The following USP24 variants were observed in gnomAD, a reference collection of about 807,000 sequenced individuals.
The protein encoded by USP24 is ubiquitin specific peptidase 24, also known as ubiquitin carboxyl-terminal hydrolase 24.
In USP24, 97 loss-of-function variants were observed where a neutral mutation model predicts 361.6. The observed-to-expected ratio is 0.27, with a 90% CI of 0.23 to 0.32. USP24 has a LOEUF of 0.32. Among genes scored for constraint, USP24 ranks in the 10% least tolerant of loss-of-function variants. The pLI, the probability that USP24 is intolerant of heterozygous loss-of-function variation, is 1.00. For missense variants in USP24, 2,353 were observed against 3,165.6 expected, an observed-to-expected ratio of 0.74 and a Z score of 6.16; for synonymous variants, 1,098 against 1,124.6, an observed-to-expected ratio of 0.98 and a Z score of 0.47.
intron 24 of USP24, among the ~76,000 whole-genome samples, chr1:55,139,273 A>G (rs1237533631): frequency 6.6e-6 from 1 of 152,294 alleles, no homozygotes; most frequent in Non-Finnish European, 1.5e-5. Flanking sequence ...TTCTTTAAAC[A>G]GTTATTCCAT....
At chr1:55,175,225 T>A (rs1252097902) in intron 3 of USP24, among the ~76,000 whole-genome samples, 1 of 135,474 alleles carries the variant, frequency 7.4e-6, no homozygotes, top group African/African-American at 2.8e-5. Context: ...GTCTCTTTTT[T>A]TTTTTTTTTT....
intron 30 of USP24, among the ~76,000 whole-genome samples, chr1:55,133,641 T>C (rs986531187): frequency 2.9e-4 from 43 of 146,426 alleles, no homozygotes; most frequent in Non-Finnish European, 5.0e-4. Context: ...TCTCTCTCTT[T>C]TTTTTTTTTT....
chr1:55,157,082 G>A (rs541125474), intron 11 of USP24, 31 bp from the exon 12 acceptor site: 44 of 1,558,536 alleles, frequency 2.8e-5, no homozygotes, highest in Admixed American at 5.2e-5. Flanking sequence ...GAGAAAGTCA[G>A]ATATAGTGAA....
At position 55,103,805 on chromosome 1, in the gene USP24, A is replaced by G. The variant is rs912926191; in HGVS notation, c.5025+71T>C. 1.3e-5 allele frequency: 20 copies of G among 1,494,344 alleles called. No homozygotes were observed. The Admixed American group carries it at 1.6e-4, about 12-fold the overall frequency. 92.6% of individuals were successfully genotyped at this position (1,494,344 alleles called of 1,614,324 possible). A position where few individuals can be genotyped will look rare whatever the true frequency, so the allele number is the denominator to read the frequency against. On this transcript the variant is annotated intron_variant, in intron 42 of 67. Transcript: ENST00000294383. ...TCTTTGTGGTCAGCAGAATGCAAAT[A>G]CAGTCTTAAAATTATATGTTTCAGA...
chr1:55,089,552 G>A, intron 55 of USP24, 75 bp downstream of exon 55: 2 of 943,710 alleles, frequency 2.1e-6, no homozygotes, highest in Non-Finnish European at 3.2e-6. Context: ...AAATAAAAAG[G>A]GTTATAAGAA....
intron 1 of USP24, among the ~76,000 whole-genome samples, chr1:55,192,241 A>C (rs931098450): frequency 1.3e-5 from 2 of 152,186 alleles, no homozygotes; most frequent in African/African-American, 4.8e-5. Context: ...CTGTAATTTA[A>C]GCCTTCTTTG....
chr1:55,157,185 A>G, intron 11 of USP24, 71 bp downstream of exon 11: 1 of 1,350,738 alleles, frequency 7.4e-7, no homozygotes. Flanking sequence ...ACAATTTTGT[A>G]TACTTTTTAA....
chr1:55,121,499 G>C lies in USP24; in HGVS notation c.4284C>G (p.Phe1428Leu). ...LQLRSQQLAS[F>L]YNLPCVADFI... Reference sequence around the variant, plus strand: ...AATCAGCAACACAGGGCAAGTTATAGAAAGATGCTAATAAGAAGAAATGGG... The same window carrying C: ...AATCAGCAACACAGGGCAAGTTATACAAAGATGCTAATAAGAAGAAATGGG... The change falls in exon 37 of 68, where the codon TTC becomes TTG. Residue 1428 changes from phenylalanine to leucine, a missense_variant. Around this residue, in one of 8 missense-constraint regions of USP24, gnomAD observed 949 missense variants for 1,280.5 expected, o/e 0.74. Coordinates refer to ENST00000294383, the MANE Select transcript of USP24 (RefSeq NM_015306.3). The C allele has an allele frequency of 1.9e-6, 3 of 1,613,440 alleles. No homozygotes were observed. Among genetic ancestry groups the C allele is most frequent in the Non-Finnish European group, 2.5e-6 (3 of 1,179,644 alleles).
At chr1:55,123,781 TAA>T (rs1334100164) in intron 35 of USP24, among the ~76,000 whole-genome samples, 179 bp from the exon 36 acceptor site, 1 of 152,230 alleles carries the variant, frequency 6.6e-6, no homozygotes, top group Non-Finnish European at 1.5e-5. Context: ...ACTTTTTCTT[TAA>T]AACACATTTG....
intron 17 of USP24, 151 bp downstream of exon 17, chr1:55,148,312 G>A: frequency 2.0e-6 from 1 of 495,878 alleles, no homozygotes; most frequent in South Asian, 3.6e-5. Flanking sequence ...AAAGCAGAAT[G>A]ATGCTTAAAC....
intron 38 of USP24, among the ~76,000 whole-genome samples, chr1:55,114,895 G>A (rs1646060709): frequency 6.6e-6 from 1 of 152,078 alleles, no homozygotes; most frequent in South Asian, 2.1e-4. Flanking sequence ...ATTGACAAAT[G>A]GGATATAATT....
chr1:55,207,020 A>T (rs1320257584), intron 1 of USP24, among the ~76,000 whole-genome samples: 1 of 151,974 alleles, frequency 6.6e-6, no homozygotes, highest in Non-Finnish European at 1.5e-5. Flanking sequence ...GAATACAAAA[A>T]TTGGCACACA....
chr1:55,082,686 G>A (rs1461775911), intron 58 of USP24, among the ~76,000 whole-genome samples: 1 of 152,154 alleles, frequency 6.6e-6, no homozygotes, highest in Non-Finnish European at 1.5e-5. Flanking sequence ...CCAGGGGGCT[G>A]AGGAGGGAGG....
intron 38 of USP24, among the ~76,000 whole-genome samples, chr1:55,112,216 A>G (rs1285434208): frequency 6.6e-6 from 1 of 151,642 alleles, no homozygotes; most frequent in Non-Finnish European, 1.5e-5. Context: ...AATCTTTTCA[A>G]AAAACCAGCT....
At chr1:55,106,539 C>G (rs1162858495) in intron 40 of USP24, among the ~76,000 whole-genome samples, 1 of 152,150 alleles carries the variant, frequency 6.6e-6, no homozygotes, top group Non-Finnish European at 1.5e-5. Flanking sequence ...ACTTTAGAAA[C>G]AGAAGTGCCA....
At chr1:55,103,804 TAC>T (rs1272289886) in intron 42 of USP24, 70 bp downstream of exon 42, 1 of 1,492,768 alleles carries the variant, frequency 6.7e-7, no homozygotes, top group Non-Finnish European at 9.0e-7. Context: ...AGAATGCAAA[TAC>T]AGTCTTAAAA....
chr1:55,088,518 T>TA (rs1279428973), intron 55 of USP24, among the ~76,000 whole-genome samples: 1 of 152,110 alleles, frequency 6.6e-6, no homozygotes, highest in Non-Finnish European at 1.5e-5. Context: ...GGAGAGAGGA[T>TA]ACTTCCTCTA....
chr1:55,100,453 G>A (rs1003399642), intron 44 of USP24, among the ~76,000 whole-genome samples: 4 of 149,928 alleles, frequency 2.7e-5, no homozygotes, highest in Admixed American at 1.3e-4. Context: ...CCAAGATTGC[G>A]CCATTGCACT....
In USP24 at chr1:55,144,596, A is replaced by C. The variant is rs111322068; in HGVS notation, c.2363-393T>G. On this transcript the variant is annotated intron_variant, in intron 20 of 67. Coordinates refer to ENST00000294383, the MANE Select transcript of USP24 (RefSeq NM_015306.3). ...AACAAATGGCCAATAAGCACATATA[A>C]ATAGATGCTTAATATAATTAGTCAC... 2.3e-3 allele frequency among the ~76,000 whole-genome samples: 343 copies of C among 152,292 alleles called. 1 individual carries two copies. Among genetic ancestry groups the C allele is most frequent in the African/African-American group, 8.2e-3 (339 of 41,558 alleles).
Sources: allele counts gnomAD v4.1 joint callset (sites outside exome capture counted in the v4.1 genomes callset), GRCh38; gene constraint gnomAD v4.1.1; regional missense constraint gnomAD v4.1.1; transcripts MANE v1.5; gene names NCBI Gene and HGNC (gene_info 2026-07-23, HGNC 2026-07-21).